STPG2: variants seen among roughly 807,000 people sequenced by gnomAD.
STPG2 encodes sperm tail PG-rich repeat containing 2, also known as sperm-tail PG-rich repeat-containing protein 2.
In STPG2, 56 loss-of-function variants were observed where a neutral mutation model predicts 54.2. The observed-to-expected ratio is 1.03, with a 90% CI of 0.83 to 1.29. The LOEUF (loss-of-function observed/expected upper bound fraction) is 1.29, where lower values mean the gene tolerates loss of function less well. STPG2 is among the 50% of genes most tolerant of loss of function. STPG2 has a pLI of 0.00. For missense variants in STPG2, 596 were observed against 544.9 expected (o/e 1.09, Z -0.93); for synonymous variants, 200 against 181.8 (o/e 1.10, Z -0.81).
intron 5 of STPG2, among the ~76,000 whole-genome samples, chr4:98,102,645 C>T (rs1578855295): frequency 6.6e-6 from 1 of 151,954 alleles, no homozygotes; most frequent in Non-Finnish European, 1.5e-5. Flanking sequence ...CCTCTATTCC[C>T]ACTGGATCCT....
intron 5 of STPG2, among the ~76,000 whole-genome samples, chr4:98,046,326 T>G (rs1003233535): frequency 6.6e-6 from 1 of 152,194 alleles, no homozygotes; most frequent in Non-Finnish European, 1.5e-5. Flanking sequence ...TTATCTAAAT[T>G]TCATGAGGGC....
intron 10 of STPG2, among the ~76,000 whole-genome samples, chr4:97,607,802 G>A (rs142432468): frequency 6.2e-4 from 94 of 152,160 alleles, no homozygotes; most frequent in Non-Finnish European, 1.2e-3. Flanking sequence ...GCAGAAAGAG[G>A]CTAGATGTTA....
At chr4:97,545,297 A>G (rs543042884) in intron 4 of STPG2, among the ~76,000 whole-genome samples, 1 of 152,292 alleles carries the variant, frequency 6.6e-6, no homozygotes, top group East Asian at 1.9e-4. Flanking sequence ...TTCTAAAACT[A>G]GAGAAGCATT....
At chr4:97,849,832 A>G (rs2149129561) in intron 8 of STPG2, among the ~76,000 whole-genome samples, 1 of 152,206 alleles carries the variant, frequency 6.6e-6, no homozygotes, top group South Asian at 2.1e-4. Context: ...GGGACTGTCA[A>G]CTAGTTGAAC....
intron 5 of STPG2, among the ~76,000 whole-genome samples, chr4:98,046,708 A>G (rs765272915): frequency 2.6e-5 from 4 of 152,128 alleles, no homozygotes; most frequent in Admixed American, 6.6e-5. Flanking sequence ...AGCTAATTTT[A>G]TCTCACTCAC....
In STPG2 at chr4:97,981,227, A is replaced by G. The variant is rs1411075765; in HGVS notation, c.704T>C (p.Leu235Pro). 2 of 1,613,908 alleles carry G rather than the reference A, an allele frequency of 1.2e-6. No individual in the cohort carries two copies. The highest frequency in any genetic ancestry group is 1.7e-6 in the Non-Finnish European group (2 of 1,179,962). The change falls in exon 6 of 11, where the codon CTG (leucine) becomes CCG (proline). Residue 235 changes from leucine to proline, a missense_variant. By Grantham distance (98) the Leu-to-Pro change is moderately conservative. Transcript: ENST00000295268. ...ACTTTGACCAAATGGAATATTTTTC[A>G]GTCCTGATGTTTTCTTCAAAGACTT... is the stretch of plus-strand genomic sequence containing the variant. ...ALKSLKKTSG[L>P]KNIPFGQSAV...
At chr4:97,708,904 T>C (rs891061268) in intron 10 of STPG2, among the ~76,000 whole-genome samples, 18 of 151,822 alleles carry the variant, frequency 1.2e-4, no homozygotes, top group Non-Finnish European at 2.1e-4. Context: ...TAAATTCCTT[T>C]ATAATTTTTT....
At chr4:97,585,101 C>CAAAAAAAAAAAAAAAA (rs60854805) in intron 10 of STPG2, among the ~76,000 whole-genome samples, 2 of 46,254 alleles carry the variant, frequency 4.3e-5, no homozygotes, top group Non-Finnish European at 6.9e-5. Context: ...AAAATATTCT[C>CAAAAAAAAAAAAAAAA]AAAAAAAAAA....
chr4:97,765,736 T>A (rs894562012), intron 9 of STPG2, among the ~76,000 whole-genome samples: 2 of 152,142 alleles, frequency 1.3e-5, no homozygotes, highest in Non-Finnish European at 2.9e-5. Flanking sequence ...ACAAACAAAC[T>A]AATTCAGAGT....
At chr4:97,664,041 T>G (rs1722451247) in intron 10 of STPG2, among the ~76,000 whole-genome samples, 1 of 152,216 alleles carries the variant, frequency 6.6e-6, no homozygotes, top group Admixed American at 6.5e-5. Flanking sequence ...TATATACATA[T>G]GGCATAGATA....
chr4:97,593,671 C>G (rs151172312), intron 10 of STPG2, among the ~76,000 whole-genome samples: 1 of 152,284 alleles, frequency 6.6e-6, no homozygotes, highest in African/African-American at 2.4e-5. Flanking sequence ...TACCCCACCA[C>G]ACTGTCACTG....
At chr4:97,441,546 GA>G (rs1457989989) in intron 4 of STPG2, 1 of 151,922 alleles carries the variant, frequency 6.6e-6, no homozygotes, top group East Asian at 1.9e-4. Flanking sequence ...TGTGGGAAAA[GA>G]AAAGCTATTT....
At chr4:97,921,962 G>A (rs72686454) in intron 8 of STPG2, among the ~76,000 whole-genome samples, 1 of 152,302 alleles carries the variant, frequency 6.6e-6, no homozygotes, top group Non-Finnish European at 1.5e-5. Flanking sequence ...TATGTTGAAT[G>A]TAAGGAAATT....
chr4:97,971,271 A>T (rs974221931), intron 7 of STPG2, among the ~76,000 whole-genome samples: 2 of 152,204 alleles, frequency 1.3e-5, no homozygotes, highest in African/African-American at 4.8e-5. Context: ...AGAACTAGAA[A>T]TACCATTTGA....
At chr4:97,894,154 G>C (rs1418381058) in intron 8 of STPG2, among the ~76,000 whole-genome samples, 2 of 151,888 alleles carry the variant, frequency 1.3e-5, no homozygotes, top group Non-Finnish European at 2.9e-5. Flanking sequence ...TTCTAGATTT[G>C]TGGTAGGAAT....
intron 1 of STPG2, among the ~76,000 whole-genome samples, chr4:98,142,719 T>A (rs1275337570): frequency 7.1e-6 from 1 of 140,584 alleles, no homozygotes; most frequent in South Asian, 2.4e-4. Context: ...GGCACAGGAT[T>A]TGGAGACTCA....
intron 4 of STPG2, among the ~76,000 whole-genome samples, chr4:97,470,412 C>A (rs1250034295): frequency 1.3e-5 from 2 of 151,936 alleles, no homozygotes; most frequent in Non-Finnish European, 2.9e-5. Flanking sequence ...ATATATTTTT[C>A]CTAAAATATA....
At chr4:97,695,978 G>C (rs1009871251) in intron 10 of STPG2, among the ~76,000 whole-genome samples, 3 of 151,786 alleles carry the variant, frequency 2.0e-5, no homozygotes, top group African/African-American at 7.3e-5. Flanking sequence ...ATTGTGTGTG[G>C]AGACTCCATC....
chr4:97,536,475 C>T (rs1731533991), intron 4 of STPG2, among the ~76,000 whole-genome samples: 1 of 152,186 alleles, frequency 6.6e-6, no homozygotes, highest in African/African-American at 2.4e-5. Flanking sequence ...CCTTCATCTT[C>T]TACCATGATT....
Sources: allele counts gnomAD v4.1 joint callset (sites outside exome capture counted in the v4.1 genomes callset), GRCh38; gene constraint gnomAD v4.1.1; transcripts MANE v1.5; gene names NCBI Gene and HGNC (gene_info 2026-07-23, HGNC 2026-07-21).